The following TEX9 variants were observed in gnomAD, a reference collection of about 807,000 sequenced individuals.
The protein encoded by TEX9 is testis expressed 9.
Under a neutral mutation model 59.6 loss-of-function variants are expected in TEX9, and 74 were observed. The ratio of observed to expected loss-of-function variants is 1.24; its 90% CI spans 1.03 to 1.51. The LOEUF (loss-of-function observed/expected upper bound fraction) is 1.51. TEX9 is among the 40% of genes most tolerant of loss of function. The pLI, the probability that TEX9 is intolerant of heterozygous loss-of-function variation, is 0.00. For missense variants in TEX9, 522 were observed against 447.8 expected, an observed-to-expected ratio of 1.17 and a Z score of -1.49; for synonymous variants, 186 against 152.2, an observed-to-expected ratio of 1.22 and a Z score of -1.64.
intron 12 of TEX9, chr15:56,431,558 AAATAAAACTACTCATGC>A: frequency 6.4e-7 from 1 of 1,557,998 alleles, no homozygotes. Context: ...CGAAGTTTTC[AAATAAAACTACTCATGC>A]AATGAATTAG....
chr15:56,266,745 G>C (rs1026813492), intron 1 of TEX9, among the ~76,000 whole-genome samples: 2 of 152,104 alleles, frequency 1.3e-5, no homozygotes, highest in East Asian at 3.8e-4. Context: ...ATTTGGGTTG[G>C]TTCCAAGTCT....
intron 2 of TEX9, among the ~76,000 whole-genome samples, chr15:56,368,466 ATTCTT>A (rs2047044483): frequency 6.6e-6 from 1 of 151,702 alleles, no homozygotes; most frequent in Non-Finnish European, 1.5e-5. Flanking sequence ...TCCTTTTTTG[ATTCTT>A]TTCTTGGAAG....
chr15:56,327,566 GAT>G lies in TEX9; in HGVS notation c.-106-45874_-106-45873del, dbSNP rs1567087097. 3.9e-5 allele frequency among the ~76,000 whole-genome samples: 6 copies of G among 152,260 alleles called. 1 individual carries two copies. The South Asian group carries it at 1.0e-3, about 26-fold the overall frequency. Reference sequence around the variant, plus strand: ...AATCAAGCGAGTACTAACAATACCTGATTTTAACTTCATACTGAAAGAAGCAC... The same window carrying G: ...AATCAAGCGAGTACTAACAATACCTGTTTAACTTCATACTGAAAGAAGCAC... On this transcript the variant is annotated intron_variant, in intron 1 of 5. Coordinates refer to the TEX9 transcript ENST00000560827.
At chr15:56,334,789 C>T (rs1038404472) in intron 1 of TEX9, among the ~76,000 whole-genome samples, 2 of 152,040 alleles carry the variant, frequency 1.3e-5, no homozygotes, top group Non-Finnish European at 2.9e-5. Context: ...ATATAAGGAG[C>T]TCAAACAACT....
chr15:56,437,954 C>G lies in TEX9; in HGVS notation c.*30-7717C>G, dbSNP rs147290043. 2.2e-3 allele frequency among the ~76,000 whole-genome samples: 342 copies of G among 152,064 alleles called. 1 individual carries two copies. The highest frequency in any genetic ancestry group is 7.9e-3 in the African/African-American group (328 of 41,514). On this transcript the variant is annotated intron_variant, in intron 12 of 12. Transcript: ENST00000352903. The stretch of plus-strand genomic sequence containing the variant: ...AGGAGAACTGCAAACCACTGCTCAA[C>G]GAAATAAAAGACGACACAAACAAAT...
At chr15:56,359,183 A>C (rs989767905) in intron 1 of TEX9, among the ~76,000 whole-genome samples, 1 of 152,098 alleles carries the variant, frequency 6.6e-6, no homozygotes, top group Non-Finnish European at 1.5e-5. Flanking sequence ...ATACCCCTTT[A>C]CTAGAAATTT....
At chr15:56,368,328 A>C (rs2047037847) in intron 2 of TEX9, among the ~76,000 whole-genome samples, 1 of 152,026 alleles carries the variant, frequency 6.6e-6, no homozygotes, top group Non-Finnish European at 1.5e-5. Context: ...TGATTGCTAT[A>C]ATTTTATGTA....
At chr15:56,350,391 T>C (rs1393778711) in intron 1 of TEX9, among the ~76,000 whole-genome samples, 3 of 152,168 alleles carry the variant, frequency 2.0e-5, no homozygotes, top group African/African-American at 7.2e-5. Flanking sequence ...TGGATTCCTA[T>C]TAAGGATTCC....
At chr15:56,248,277 C>T (rs539600662) in intron 1 of TEX9, among the ~76,000 whole-genome samples, 10 of 152,278 alleles carry the variant, frequency 6.6e-5, no homozygotes, top group African/African-American at 2.4e-4. Context: ...ACCAAGAGTG[C>T]TAATGTAAGT....
downstream of TEX9, among the ~76,000 whole-genome samples, chr15:56,448,467 A>G (rs775160462): frequency 3.9e-5 from 6 of 152,142 alleles, no homozygotes; most frequent in Admixed American, 3.3e-4. Context: ...GCTCCCACCT[A>G]TAAGTGAGAA....
intron 1 of TEX9, among the ~76,000 whole-genome samples, chr15:56,335,803 TAAA>T (rs1168881070): frequency 6.6e-6 from 1 of 152,048 alleles, no homozygotes; most frequent in Non-Finnish European, 1.5e-5. Context: ...AAATTAAAAA[TAAA>T]AAAATTTGTT....
chr15:56,361,368 A>G (rs2046785546), upstream of TEX9, among the ~76,000 whole-genome samples: 1 of 152,162 alleles, frequency 6.6e-6, no homozygotes, highest in South Asian at 2.1e-4. Flanking sequence ...TGCTTTCATA[A>G]CATTCCACAG....
chr15:56,412,237 C>A, intron 9 of TEX9, 65 bp from the exon 10 acceptor site: 1 of 1,475,950 alleles, frequency 6.8e-7, no homozygotes, highest in Non-Finnish European at 9.2e-7. Context: ...GAAGATACTG[C>A]AAAATGATAA....
chr15:56,429,964 T>G (rs917430212), intron 12 of TEX9: 1 of 152,242 alleles, frequency 6.6e-6, no homozygotes, highest in African/African-American at 2.4e-5. Flanking sequence ...TAATTACATA[T>G]GGATTTTATC....
intron 10 of TEX9, 62 bp downstream of exon 10, chr15:56,412,498 A>G (rs1398706908): frequency 1.3e-6 from 2 of 1,481,628 alleles, no homozygotes; most frequent in African/African-American, 1.4e-5. Context: ...TTTTATGAAC[A>G]TGTCAAAAAT....
chr15:56,256,635 G>T (rs1395718596), intron 1 of TEX9, among the ~76,000 whole-genome samples: 1 of 151,850 alleles, frequency 6.6e-6, no homozygotes, highest in East Asian at 1.9e-4. Flanking sequence ...CAAAAGTCTG[G>T]AATGTCTCAC....
chr15:56,327,828 T>A (rs185233902), intron 1 of TEX9, among the ~76,000 whole-genome samples: 3 of 152,114 alleles, frequency 2.0e-5, no homozygotes, highest in Non-Finnish European at 4.4e-5. Flanking sequence ...ATTCTAGCAG[T>A]TGGAACCTGA....
intron 10 of TEX9, among the ~76,000 whole-genome samples, chr15:56,424,958 G>T (rs976157261): frequency 2.6e-5 from 4 of 152,104 alleles, no homozygotes; most frequent in African/African-American, 9.7e-5. Context: ...AAGTTCCTCA[G>T]CTCTTATCTA....
chr15:56,396,303 C>G (rs1221813685), intron 9 of TEX9: 1 of 152,080 alleles, frequency 6.6e-6, no homozygotes, highest in African/African-American at 2.4e-5. Flanking sequence ...ATCAAAATCA[C>G]TTAGACAAAA....
Sources: gnomAD v4.1 joint callset for allele counts (sites outside exome capture counted in the v4.1 genomes callset) on GRCh38, gnomAD v4.1.1 for gene constraint, MANE v1.5 for transcripts, NCBI Gene and HGNC (gene_info 2026-07-23, HGNC 2026-07-21) for gene names.